WWOX: variants seen among roughly 807,000 people sequenced by gnomAD.
WWOX encodes the protein WW domain-containing oxidoreductase.
WWOX carries 69 observed loss-of-function variants against 46.2 expected under a neutral mutation model. The observed-to-expected ratio is 1.49, with a 90% confidence interval of 1.23 to 1.82. The LOEUF is 1.82. Ranked by LOEUF, WWOX falls within the 40% of genes most tolerant of loss-of-function variation. The pLI is 0.00. For missense variants in WWOX, 919 were observed against 542.6 expected, an observed-to-expected ratio of 1.69 and a Z score of -6.89; for synonymous variants, 359 against 202.6, an observed-to-expected ratio of 1.77 and a Z score of -6.56.
At chr16:78,781,457 C>T (rs899801436) in intron 8 of WWOX, among the ~76,000 whole-genome samples, 20 of 152,302 alleles carry the variant, frequency 1.3e-4, no homozygotes, top group Admixed American at 9.8e-4. Context: ...AGGCTGCATT[C>T]ATTTCAAGAA....
intron 5 of WWOX, among the ~76,000 whole-genome samples, chr16:78,356,892 CAAAA>C (rs33999856): frequency 6.6e-5 from 10 of 151,656 alleles, no homozygotes; most frequent in African/African-American, 9.7e-5. Context: ...AAAAAACAAA[CAAAA>C]AAAAGTTCCA....
intron 8 of WWOX, among the ~76,000 whole-genome samples, chr16:78,576,615 T>C (rs1298433314): frequency 1.3e-5 from 2 of 152,174 alleles, no homozygotes; most frequent in Non-Finnish European, 2.9e-5. Context: ...GGAGCATCAC[T>C]TGAGGCCAGA....
At chr16:78,545,571 G>T (rs947562839) in intron 8 of WWOX, among the ~76,000 whole-genome samples, 1 of 152,164 alleles carries the variant, frequency 6.6e-6, no homozygotes, top group South Asian at 2.1e-4. Context: ...TAAAATGAGA[G>T]TGGAGAGACC....
intron 6 of WWOX, among the ~76,000 whole-genome samples, chr16:78,396,137 G>C (rs183438106): frequency 6.6e-6 from 1 of 152,290 alleles, no homozygotes; most frequent in Admixed American, 6.5e-5. Flanking sequence ...TGGAAATAAA[G>C]CTTATGCCTT....
At chr16:78,969,252 GCTCT>G (rs202162858) in intron 8 of WWOX, among the ~76,000 whole-genome samples, 4,164 of 148,406 alleles carry the variant, frequency 0.028, 165 homozygotes, top group African/African-American at 0.096. Context: ...TTGCCACCCT[GCTCT>G]CTCTCTCTCT....
intron 8 of WWOX, among the ~76,000 whole-genome samples, chr16:79,193,880 G>A (rs370873807): frequency 1.3e-5 from 2 of 152,188 alleles, no homozygotes; most frequent in East Asian, 3.9e-4. Context: ...ACCTACAGAA[G>A]CAACTAGCTC....
chr16:78,756,993 C>G (rs1457678793), intron 8 of WWOX: 1 of 702,846 alleles, frequency 1.4e-6, no homozygotes, highest in South Asian at 1.5e-5. Context: ...TGTAGAAGAA[C>G]TGAGCCTCCT....
intron 8 of WWOX, among the ~76,000 whole-genome samples, chr16:78,932,010 C>G (rs1298545900): frequency 2.0e-5 from 3 of 152,226 alleles, no homozygotes; most frequent in Non-Finnish European, 4.4e-5. Flanking sequence ...TGTGTTTGCT[C>G]CACATTGGCC....
At chr16:78,899,098 G>C (rs1597123532) in intron 8 of WWOX, 1 of 151,534 alleles carries the variant, frequency 6.6e-6, no homozygotes, top group South Asian at 2.1e-4. Context: ...TTGTTTTAAT[G>C]CACTGGCTAT....
At chr16:78,662,559 G>C (rs866265172) in intron 8 of WWOX, among the ~76,000 whole-genome samples, 1 of 152,128 alleles carries the variant, frequency 6.6e-6, no homozygotes, top group Non-Finnish European at 1.5e-5. Context: ...GATGAGGAAG[G>C]CAATGTGAGA....
chr16:78,669,609 G>C (rs1186157570), intron 8 of WWOX, among the ~76,000 whole-genome samples: 11 of 152,192 alleles, frequency 7.2e-5, no homozygotes, highest in African/African-American at 2.7e-4. Context: ...AAGGTGAACA[G>C]GAACTAAATG....
chr16:78,790,005 C>G (rs1482567629), intron 8 of WWOX, among the ~76,000 whole-genome samples: 2 of 152,162 alleles, frequency 1.3e-5, no homozygotes, highest in African/African-American at 2.4e-5. Context: ...AATAGTTGTT[C>G]TTTCCTTATT....
chr16:78,979,483 AT>A (rs2046638788), intron 8 of WWOX, among the ~76,000 whole-genome samples: 1 of 152,056 alleles, frequency 6.6e-6, no homozygotes, highest in African/African-American at 2.4e-5. Context: ...CCACTGCATG[AT>A]TTTGCTCAGG....
rs181967171 is a variant in WWOX, at chr16:78,714,395, A to C, written c.1056+281643A>C. On this transcript the variant is annotated intron_variant, in intron 8 of 8. Transcript: ENST00000566780. ...CTTTATAAAACCATCAGATCTCGTG[A>C]GACTTATTCACTGTCACGAGAACAG... Among the ~76,000 whole-genome samples the C allele has an allele frequency of 2.0e-5, 3 of 152,006 alleles. No homozygotes were observed. In the South Asian group the frequency reaches 6.2e-4, roughly 32 times the overall value.
intron 8 of WWOX, among the ~76,000 whole-genome samples, chr16:78,835,514 C>T (rs934211535): frequency 1.3e-5 from 2 of 152,132 alleles, no homozygotes; most frequent in East Asian, 1.9e-4. Flanking sequence ...CTGAATACCC[C>T]GTAAAATCAC....
At chr16:79,175,138 C>G (rs1415370730) in intron 8 of WWOX, among the ~76,000 whole-genome samples, 2 of 152,092 alleles carry the variant, frequency 1.3e-5, no homozygotes, top group Non-Finnish European at 2.9e-5. Flanking sequence ...TAGCTATGAC[C>G]CCATAAAAGT....
At chr16:78,100,212 C>G (rs1378172020) in intron 1 of WWOX, 5 of 1,174,262 alleles carry the variant, frequency 4.3e-6, no homozygotes, top group Non-Finnish European at 3.2e-6. Context: ...TGCTCAGCTC[C>G]CTCCTGCAGG....
At chr16:78,902,107 C>A (rs1161374492) in intron 8 of WWOX, among the ~76,000 whole-genome samples, 2 of 152,174 alleles carry the variant, frequency 1.3e-5, no homozygotes, top group African/African-American at 4.8e-5. Flanking sequence ...TCAGAGCTGG[C>A]AGACAGCATC....
chr16:78,915,976 G>T (rs1448124307), intron 8 of WWOX, among the ~76,000 whole-genome samples: 1 of 152,224 alleles, frequency 6.6e-6, no homozygotes, highest in Non-Finnish European at 1.5e-5. Context: ...ATAGATGATA[G>T]TGGGGCCTCA....
Sources: gnomAD v4.1 joint callset for allele counts (sites outside exome capture counted in the v4.1 genomes callset) on GRCh38, gnomAD v4.1.1 for gene constraint, MANE v1.5 for transcripts, NCBI Gene and HGNC (gene_info 2026-07-23, HGNC 2026-07-21) for gene names.